KCNMA1: variants seen among roughly 807,000 people sequenced by gnomAD.
KCNMA1 encodes Calcium-activated potassium channel subunit alpha-1.
A neutral mutation model predicts 140.0 loss-of-function variants in KCNMA1; 29 were observed. The observed-to-expected ratio is 0.21, with a 90% CI of 0.15 to 0.28. KCNMA1 has a LOEUF of 0.28. KCNMA1 is among the 10% of genes least tolerant of loss of function. The pLI is 1.00. For synonymous variants in KCNMA1, 612 were observed against 611.9 expected (o/e 1.00, Z 0.00); for missense variants, 880 against 1,602.2 (o/e 0.55, Z 7.70).
intron 1 of KCNMA1, among the ~76,000 whole-genome samples, chr10:77,495,818 C>T (rs531984811): frequency 1.3e-5 from 2 of 152,122 alleles, no homozygotes; most frequent in Non-Finnish European, 2.9e-5. Flanking sequence ...GGAAGAGACC[C>T]CCACACCAGG....
chr10:77,159,126 G>T (rs2098525930), intron 5 of KCNMA1, among the ~76,000 whole-genome samples: 1 of 152,166 alleles, frequency 6.6e-6, no homozygotes, highest in South Asian at 2.1e-4. Context: ...GAATTACAAG[G>T]TCATAATTTT....
intron 1 of KCNMA1, among the ~76,000 whole-genome samples, chr10:77,488,751 C>T (rs2098493733): frequency 6.6e-6 from 1 of 152,142 alleles, no homozygotes; most frequent in African/African-American, 2.4e-5. Context: ...GCCAGGGCAG[C>T]CATGTTCTCT....
In KCNMA1 at chr10:76,992,580, T is replaced by C. The variant is rs1399531350; in HGVS notation, c.2266+8827A>G. Among the ~76,000 whole-genome samples, 6 of 152,284 alleles carry C rather than the reference T, an allele frequency of 3.9e-5. No homozygotes were observed. The East Asian group carries it at 1.2e-3, about 29-fold the overall frequency. Reference sequence around the variant, plus strand: ...GACAACACACAGCTGGTTGGCTTGGTGCATTTTGCCACATTGCACTTCCAG... The same window carrying C: ...GACAACACACAGCTGGTTGGCTTGGCGCATTTTGCCACATTGCACTTCCAG... On this transcript the variant is annotated intron_variant, in intron 19 of 27. Transcript: ENST00000286628.
At chr10:77,369,859 G>A (rs927322287) in intron 2 of KCNMA1, among the ~76,000 whole-genome samples, 1 of 152,206 alleles carries the variant, frequency 6.6e-6, no homozygotes, top group Non-Finnish European at 1.5e-5. Context: ...TTGCTTCATG[G>A]CAAGGGAACA....
At chr10:77,043,902 T>A (rs934768193) in intron 14 of KCNMA1, among the ~76,000 whole-genome samples, 2 of 152,108 alleles carry the variant, frequency 1.3e-5, no homozygotes, top group African/African-American at 4.8e-5. Context: ...TAAAAAGAGT[T>A]CCGGAAGTGG....
At chr10:77,087,387 G>GAT (rs936424868) in intron 10 of KCNMA1, among the ~76,000 whole-genome samples, 4 of 152,086 alleles carry the variant, frequency 2.6e-5, no homozygotes, top group Admixed American at 2.0e-4. Context: ...TAGATATATT[G>GAT]ATATATATAT....
intron 19 of KCNMA1, among the ~76,000 whole-genome samples, chr10:76,985,997 C>G (rs1009290193): frequency 6.6e-6 from 1 of 152,026 alleles, no homozygotes; most frequent in Admixed American, 6.6e-5. Context: ...ACAAATAAAC[C>G]TCAAATGGGA....
At chr10:77,096,389 T>C (rs1211201037) in intron 9 of KCNMA1, among the ~76,000 whole-genome samples, 1 of 152,144 alleles carries the variant, frequency 6.6e-6, no homozygotes, top group African/African-American at 2.4e-5. Flanking sequence ...TCATACCTTA[T>C]CTAGACATCT....
intron 29 of KCNMA1, among the ~76,000 whole-genome samples, chr10:76,878,445 T>C (rs2033070729): frequency 6.6e-6 from 1 of 152,212 alleles, no homozygotes; most frequent in Non-Finnish European, 1.5e-5. Flanking sequence ...CTGTTTCATT[T>C]GTAGCCACTT....
chr10:77,413,141 G>T (rs573300999), intron 1 of KCNMA1, among the ~76,000 whole-genome samples: 12 of 152,258 alleles, frequency 7.9e-5, no homozygotes, highest in African/African-American at 2.9e-4. Context: ...TTACAGGAGT[G>T]AGCCACCTCG....
intron 5 of KCNMA1, among the ~76,000 whole-genome samples, chr10:77,139,759 A>G (rs948238904): frequency 2.6e-5 from 4 of 152,206 alleles, no homozygotes; most frequent in African/African-American, 9.7e-5. Context: ...AGCAGTTGAG[A>G]AAAGAAAATC....
chr10:77,119,915 C>CAA (rs200907141), intron 6 of KCNMA1, among the ~76,000 whole-genome samples: 2 of 151,420 alleles, frequency 1.3e-5, no homozygotes, highest in Non-Finnish European at 2.9e-5. Flanking sequence ...AATAAACAAG[C>CAA]AAAAAAAACA....
At chr10:77,581,547 C>T (rs573049460) in intron 1 of KCNMA1, among the ~76,000 whole-genome samples, 37 of 152,166 alleles carry the variant, frequency 2.4e-4, no homozygotes, top group Non-Finnish European at 4.7e-4. Flanking sequence ...CCTAGTGATC[C>T]ACCCACCTCA....
chr10:77,392,113 C>A (rs550089147), intron 2 of KCNMA1, among the ~76,000 whole-genome samples: 1 of 131,306 alleles, frequency 7.6e-6, no homozygotes, highest in African/African-American at 2.8e-5. Flanking sequence ...GAGGGAAGGA[C>A]GGAGGAATGG....
At chr10:76,994,531 C>G (rs1379491331) in intron 19 of KCNMA1, among the ~76,000 whole-genome samples, 2 of 152,186 alleles carry the variant, frequency 1.3e-5, no homozygotes, top group African/African-American at 2.4e-5. Flanking sequence ...GCAGTATACA[C>G]AGAATATAGA....
At chr10:77,603,704 G>C (rs985181473) in intron 1 of KCNMA1, among the ~76,000 whole-genome samples, 1 of 152,088 alleles carries the variant, frequency 6.6e-6, no homozygotes, top group African/African-American at 2.4e-5. Context: ...TCCTTCCACA[G>C]CCCACACCCC....
intron 5 of KCNMA1, among the ~76,000 whole-genome samples, chr10:77,150,261 C>T (rs2098394502): frequency 6.6e-6 from 1 of 152,060 alleles, no homozygotes; most frequent in Non-Finnish European, 1.5e-5. Flanking sequence ...ACTGATTATC[C>T]AATTAGAGAA....
At chr10:77,120,541 T>C (rs1429194776) in intron 6 of KCNMA1, among the ~76,000 whole-genome samples, 1 of 152,206 alleles carries the variant, frequency 6.6e-6, no homozygotes, top group African/African-American at 2.4e-5. Context: ...ATTGCTTCTA[T>C]TGCCTTTACG....
Position 76,886,795 on chromosome 10 carries a change from A to T in KCNMA1, c.*471T>A. The T allele has an allele frequency of 9.7e-7, 1 of 1,031,034 alleles. No individual in the cohort carries two copies. The highest frequency in any genetic ancestry group is 3.6e-5 in the South Asian group (1 of 27,658). 63.9% of individuals were successfully genotyped at this position (1,031,034 alleles called of 1,614,324 possible). On this transcript the variant is annotated 3_prime_UTR_variant, in exon 28 of 28. Transcript: ENST00000286628. ...TGCTGTTTGGTTGCTTGTTTCAAATAAACATGTGCTAACTTATTGTGTGTA... is the reference window on the plus strand; with the variant it reads ...TGCTGTTTGGTTGCTTGTTTCAAATTAACATGTGCTAACTTATTGTGTGTA...
Sources: gnomAD v4.1 joint callset for allele counts (sites outside exome capture counted in the v4.1 genomes callset) on GRCh38, gnomAD v4.1.1 for gene constraint, MANE v1.5 for transcripts, NCBI Gene and HGNC (gene_info 2026-07-23, HGNC 2026-07-21) for gene names.